Variants in SLC45A4 observed in about 807,000 individuals in gnomAD.
SLC45A4 encodes polyamine-transporter SLC45A4.
A neutral mutation model predicts 63.7 loss-of-function variants in SLC45A4; 32 were observed. That is an observed-to-expected ratio of 0.50 (90% CI 0.38 to 0.67). The LOEUF is 0.67. Among genes scored for constraint, SLC45A4 ranks in the 30% least tolerant of loss-of-function variants. The pLI is 0.00. For synonymous variants in SLC45A4, 535 were observed against 510.0 expected (o/e 1.05, Z -0.66); for missense variants, 1,027 against 1,157.7 (o/e 0.89, Z 1.64).
rs576854907 is a variant in SLC45A4 at position 141,278,069 on chromosome 8, T to C, written c.-400-23440A>G. Among the ~76,000 whole-genome samples the C allele has an allele frequency of 4.7e-4, 72 of 152,208 alleles. No individual in the cohort carries two copies. The highest frequency in any genetic ancestry group is 9.4e-4 in the Non-Finnish European group (64 of 68,026). On this transcript the variant is annotated intron_variant, in intron 1 of 8. Coordinates refer to ENST00000517878, the MANE Select transcript of SLC45A4 (RefSeq NM_001286646.2). This position sits in a 1 kb window ranked among gnomAD's most constrained non-coding sequence, Gnocchi z 4.1. The stretch of plus-strand genomic sequence containing the variant: ...GACTACAGATGCATGCCAACATCCA[T>C]GTCCGACTTATAAGTCACTGTTTTA...
At chr8:141,299,294 C>T (rs1046845587) in intron 1 of SLC45A4, among the ~76,000 whole-genome samples, 10 of 152,204 alleles carry the variant, frequency 6.6e-5, no homozygotes, top group Non-Finnish European at 1.2e-4. Context: ...AGAAAGCGGA[C>T]GGGGAGCCCC....
In SLC45A4 at chr8:141,211,414, C is replaced by G. The variant is rs770420214; in HGVS notation, c.*158G>C. The G allele has an allele frequency of 5.8e-6, 9 of 1,545,078 alleles. No individual in the cohort carries two copies. The African/African-American group carries it at 6.9e-5, about 12-fold the overall frequency. On this transcript the variant is annotated 3_prime_UTR_variant, in exon 9 of 9. Coordinates refer to ENST00000517878, the MANE Select transcript of SLC45A4 (RefSeq NM_001286646.2). ...AGGTGGTGCCCAGCCCATCCCTGGG[C>G]AGGGTGTCTGGGAGCCACCCCTGCA... is the stretch of plus-strand genomic sequence containing the variant.
intron 2 of SLC45A4, among the ~76,000 whole-genome samples, chr8:141,223,553 C>T (rs888080735): frequency 2.0e-5 from 3 of 152,332 alleles, no homozygotes; most frequent in African/African-American, 7.2e-5. Flanking sequence ...CGCAGAGCTG[C>T]GGAGCCTGTG....
chr8:141,217,138 C>T lies in SLC45A4; in HGVS notation c.1681G>A (p.Gly561Ser). ...GCATAAATGACCAGGCCCCAGCAGC[C>T]CATCTTGACCCCGGCGTTGTAGGCT... is the stretch of plus-strand genomic sequence containing the variant. Reference protein sequence around the residue: ...WQAYNAGVKMGCWGLVIYAAT... With the variant: ...WQAYNAGVKMSCWGLVIYAAT... Residue 561 changes from glycine (G) to serine (S), a missense_variant, in exon 6 of 9, where the codon GGC becomes AGC. Coordinates refer to ENST00000517878, the MANE Select transcript of SLC45A4 (RefSeq NM_001286646.2). 6.2e-7 allele frequency: 1 copy of T among 1,614,042 alleles called. No homozygotes were observed. Among genetic ancestry groups the T allele is most frequent in the Non-Finnish European group, 8.5e-7 (1 of 1,180,022 alleles).
Position 141,212,555 on chromosome 8 carries a change from T to C in SLC45A4, c.1943A>G (p.Tyr648Cys), listed in dbSNP as rs1825904461. Residue 648 changes from tyrosine to cysteine, a missense_variant and splice_region_variant, in exon 8 of 9, where the codon TAC becomes TGC. Tyr to Cys is a radical substitution (Grantham distance 194). Transcript: ENST00000517878. ...GGAGTTCCCGGGGCTGTGGTGGATG[T>C]ACTGCAAGAGAGGAAACACGAGGCG... The part of the protein sequence containing the change: ...LLGQYHDIKQ[Y>C]IHHSPGNSKR... 6.2e-7 allele frequency: 1 copy of C among 1,600,752 alleles called. No individual in the cohort carries two copies. Among genetic ancestry groups the C allele is most frequent in the Admixed American group, 1.7e-5 (1 of 59,412 alleles).
At chr8:141,269,972 C>T (rs1467864094) in intron 1 of SLC45A4, among the ~76,000 whole-genome samples, 1 of 152,176 alleles carries the variant, frequency 6.6e-6, no homozygotes, top group African/African-American at 2.4e-5. Context: ...CCGCACTCCT[C>T]TGCTGACCAT....
intron 1 of SLC45A4, among the ~76,000 whole-genome samples, chr8:141,258,164 CT>C (rs768477482): frequency 3.3e-5 from 5 of 151,474 alleles, no homozygotes; most frequent in East Asian, 3.9e-4. Context: ...GATCTGCCCC[CT>C]GGGTCACAGT....
chr8:141,294,029 A>AC (rs1830450407), intron 1 of SLC45A4, among the ~76,000 whole-genome samples: 1 of 152,144 alleles, frequency 6.6e-6, no homozygotes, highest in Non-Finnish European at 1.5e-5. Flanking sequence ...AAGGGTTGAG[A>AC]CATCTGGTTT....
At position 141,218,533 on chromosome 8, in the gene SLC45A4, C is replaced by T; in HGVS notation, c.1107G>A (p.Glu369=). 6.2e-7 allele frequency: 1 copy of T among 1,613,604 alleles called. No homozygotes were observed. The highest frequency in any genetic ancestry group is 8.5e-7 in the Non-Finnish European group (1 of 1,179,970). The change falls in exon 5 of 9, where the codon GAG becomes GAA. Residue 369 remains glutamate, a synonymous_variant. Coordinates refer to ENST00000517878, the MANE Select transcript of SLC45A4 (RefSeq NM_001286646.2). The part of the protein sequence containing the change: ...LATFLKEAAK[E]DETLLDNHLN... ...AGTGATTATCCAGCAAGGTCTCGTC[C>T]TCCTTGGCGGCTTCCTTGAGGAAGG...
At position 141,229,057 on chromosome 8, in the gene SLC45A4, C is replaced by T. The variant is rs367768342; in HGVS notation, c.242-7292G>A. Among the ~76,000 whole-genome samples, 133 of 152,258 alleles carry T rather than the reference C, an allele frequency of 8.7e-4. No individual in the cohort carries two copies. Among genetic ancestry groups the T allele is most frequent in the African/African-American group, 3.1e-3 (128 of 41,544 alleles). ...CGGCTCCTCCCGCCCATGGGACCTT[C>T]GAAGACACTGCTGCCTCTGCCTGAA... On this transcript the variant is annotated intron_variant, in intron 2 of 8. Transcript: ENST00000517878. The surrounding 1 kb of genome is among the most constrained non-coding windows in gnomAD (Gnocchi z 5.0).
chr8:141,263,787 A>AAAAAAT (rs1563657435), intron 1 of SLC45A4, among the ~76,000 whole-genome samples: 3 of 143,918 alleles, frequency 2.1e-5, no homozygotes, highest in East Asian at 2.0e-4. Context: ...AAAAAAATAA[A>AAAAAAT]AATAATAATA....
At chr8:141,219,055 T>C in intron 4 of SLC45A4, 26 bp from the exon 5 acceptor site, 1 of 1,591,682 alleles carries the variant, frequency 6.3e-7, no homozygotes, top group Non-Finnish European at 8.6e-7. Context: ...CAGCAGCCGG[T>C]GAGCCGGTGG....
At chr8:141,286,293 T>C (rs1391935900) in intron 1 of SLC45A4, among the ~76,000 whole-genome samples, 1 of 152,098 alleles carries the variant, frequency 6.6e-6, no homozygotes, top group African/African-American at 2.4e-5. Flanking sequence ...GTTTACTGCA[T>C]GTTCAGAAAA....
Position 141,208,019 on chromosome 8 carries a change from C to A in SLC45A4, c.*3553G>T, listed in dbSNP as rs1022423162. ...GAGCTGGTGTCTCTCAGAAGCGGCG[C>A]GTGCTGGTGGGAGGCGGAGGGACAA... is the stretch of plus-strand genomic sequence containing the variant. On this transcript the variant is annotated 3_prime_UTR_variant, in exon 9 of 9. Coordinates refer to ENST00000517878, the MANE Select transcript of SLC45A4 (RefSeq NM_001286646.2). The A allele has an allele frequency of 4.6e-5, 7 of 152,338 alleles. No homozygotes were observed. Among genetic ancestry groups the A allele is most frequent in the African/African-American group, 1.7e-4 (7 of 41,466 alleles). 9.4% of individuals were successfully genotyped at this position (152,338 alleles called of 1,614,324 possible).
intron 8 of SLC45A4, 82 bp downstream of exon 8, chr8:141,212,098 TCCGCGGTGTCTCTGCTC>T (rs1482628010): frequency 3.5e-6 from 5 of 1,432,212 alleles, no homozygotes; most frequent in Non-Finnish European, 4.6e-6. Flanking sequence ...TCTGCAGGGT[TCCGCGGTGTCTCTGCTC>T]CCGCCCATGG....
intron 2 of SLC45A4, among the ~76,000 whole-genome samples, chr8:141,231,863 G>A (rs552759153): frequency 3.3e-5 from 5 of 152,370 alleles, no homozygotes; most frequent in East Asian, 1.9e-4. Flanking sequence ...TCTCAACAGC[G>A]CCTGGTGAGG....
Position 141,228,093 on chromosome 8 carries a change from G to A in SLC45A4, c.242-6328C>T, listed in dbSNP as rs576199981. The A allele has an allele frequency of 7.2e-5, 110 of 1,536,662 alleles. 1 individual carries two copies. In the South Asian group the frequency reaches 1.2e-3, roughly 17 times the overall value. On this transcript the variant is annotated intron_variant, in intron 2 of 8. Coordinates refer to ENST00000517878, the MANE Select transcript of SLC45A4 (RefSeq NM_001286646.2). ...GAGAGCTGTGTGGAGTGGAGCTGTT[G>A]GGTGCCCGAGAGGCTGTGGCTCACC... is the stretch of plus-strand genomic sequence containing the variant.
Position 141,308,272 on chromosome 8 carries a change from G to C in SLC45A4, c.-577C>G, listed in dbSNP as rs1439642736. 2 of 147,650 alleles carry C rather than the reference G, an allele frequency of 1.4e-5. No individual in the cohort carries two copies. Among genetic ancestry groups the C allele is most frequent in the East Asian group, 2.0e-4 (1 of 5,104 alleles). 9.1% of individuals were successfully genotyped at this position (147,650 alleles called of 1,614,324 possible). On this transcript the variant is annotated 5_prime_UTR_variant, in exon 1 of 9. Coordinates refer to ENST00000517878, the MANE Select transcript of SLC45A4 (RefSeq NM_001286646.2). ...TCAGTCAGCGACGCGGGCGCGGAGA[G>C]AGCGCTGCGAGGCTGCGGCCGGCGC...
chr8:141,295,249 T>A (rs1285424412), intron 1 of SLC45A4, among the ~76,000 whole-genome samples: 1 of 152,034 alleles, frequency 6.6e-6, no homozygotes. Context: ...GCTTTATGGG[T>A]GGGGCCCTGG....
Sources: allele counts gnomAD v4.1 joint callset (sites outside exome capture counted in the v4.1 genomes callset), GRCh38; gene constraint gnomAD v4.1.1; non-coding constraint Gnocchi (gnomAD v3.1); transcripts MANE v1.5; gene names NCBI Gene and HGNC (gene_info 2026-07-23, HGNC 2026-07-21).